Variants in BRCA2 observed in about 807,000 individuals in gnomAD.
BRCA2 encodes the protein breast cancer type 2 susceptibility protein.
In BRCA2, 203 loss-of-function variants were observed where a neutral mutation model predicts 276.7. The observed-to-expected ratio is 0.73, with a 90% CI of 0.65 to 0.82. The LOEUF is 0.82. Ranked by LOEUF, BRCA2 falls within the 40% of genes least tolerant of loss-of-function variation. The pLI, the probability that BRCA2 is intolerant of heterozygous loss-of-function variation, is 0.00. For synonymous variants in BRCA2, 1,289 were observed against 1,338.4 expected (o/e 0.96, Z 0.81); for missense variants, 3,920 against 3,915.0 (o/e 1.00, Z -0.03).
intron 13 of BRCA2, among the ~76,000 whole-genome samples, chr13:32,347,971 C>T (rs1172045004): frequency 6.6e-6 from 1 of 152,042 alleles, no homozygotes; most frequent in African/African-American, 2.4e-5. Context: ...AGTACAAAAT[C>T]CATAGCAGAA....
chr13:32,326,034 A>T (rs1225868868), intron 4 of BRCA2, 67 bp from the exon 5 acceptor site: 1 of 1,364,466 alleles, frequency 7.3e-7, no homozygotes, highest in East Asian at 2.3e-5. Flanking sequence ...TTCTTTTAAA[A>T]ATAAGATAAA....
Position 32,337,975 on chromosome 13 carries a change from A to G in BRCA2, c.3620A>G (p.Tyr1207Cys), listed in dbSNP as rs397507310. The change falls in exon 11 of 27, where the codon TAT becomes TGT. Residue 1207 changes from tyrosine to cysteine, a missense_variant. By Grantham distance (194) the Tyr-to-Cys change is radical. This residue lies in a region of BRCA2 where 3,263 missense variants were observed against 3,156.9 expected (regional missense o/e 1.03). Transcript: ENST00000380152. ...GACTGTAACAAAAGTGCTTCTGGTT[A>G]TTTAACAGATGAAAATGAAGTGGGG... The part of the protein sequence containing the change: ...KNDCNKSASG[Y>C]LTDENEVGFR... The G allele has an allele frequency of 1.1e-5, 18 of 1,613,724 alleles. No homozygotes were observed. The highest frequency in any genetic ancestry group is 1.5e-5 in the Non-Finnish European group (18 of 1,179,710).
At chr13:32,379,120 T>C (rs2072893740) in intron 21 of BRCA2, among the ~76,000 whole-genome samples, 197 bp from the exon 22 acceptor site, 1 of 152,222 alleles carries the variant, frequency 6.6e-6, no homozygotes, top group African/African-American at 2.4e-5. Context: ...TGGAGGATCA[T>C]TTTTGCCGTA....
intron 20 of BRCA2, among the ~76,000 whole-genome samples, chr13:32,371,347 A>G (rs917500223): frequency 3.9e-5 from 6 of 151,994 alleles, no homozygotes; most frequent in African/African-American, 1.5e-4. Context: ...TGGCTTTTGC[A>G]TTTTTGTCAT....
intron 1 of BRCA2, among the ~76,000 whole-genome samples, chr13:32,316,221 G>A (rs2072257473): frequency 6.6e-6 from 1 of 152,116 alleles, no homozygotes; most frequent in African/African-American, 2.4e-5. Flanking sequence ...GCCACGTTTC[G>A]AGTGCTTAAT....
At chr13:32,390,502 CATG>C (rs1214985553) in intron 24 of BRCA2, among the ~76,000 whole-genome samples, 3 of 152,262 alleles carry the variant, frequency 2.0e-5, no homozygotes, top group Admixed American at 1.3e-4. Flanking sequence ...ATTCCTGATG[CATG>C]ATAACATTTA....
At chr13:32,343,810 C>T (rs145822702) in intron 11 of BRCA2, among the ~76,000 whole-genome samples, 9 of 152,146 alleles carry the variant, frequency 5.9e-5, no homozygotes, top group African/African-American at 2.2e-4. Context: ...TAGTCAGCTT[C>T]TGGTTACTGG....
At chr13:32,369,578 T>G (rs980393636) in intron 18 of BRCA2, among the ~76,000 whole-genome samples, 2 of 152,106 alleles carry the variant, frequency 1.3e-5, no homozygotes, top group Non-Finnish European at 2.9e-5. Flanking sequence ...GATAATTTGT[T>G]TGTTTGTTTT....
chr13:32,391,474 G>T (rs2072996422), intron 24 of BRCA2, among the ~76,000 whole-genome samples: 1 of 152,348 alleles, frequency 6.6e-6, no homozygotes, highest in Non-Finnish European at 1.5e-5. Context: ...CAGAGGGCAA[G>T]TCCAGGAGGG....
At chr13:32,335,262 T>A (rs1261554271) in intron 10 of BRCA2, among the ~76,000 whole-genome samples, 1 of 151,594 alleles carries the variant, frequency 6.6e-6, no homozygotes, top group Non-Finnish European at 1.5e-5. Flanking sequence ...GGAGAATCAC[T>A]TGAACCTGGG....
intron 26 of BRCA2, 105 bp from the exon 27 acceptor site, chr13:32,398,057 G>A (rs2137661916): frequency 8.2e-7 from 1 of 1,222,456 alleles, no homozygotes; most frequent in South Asian, 1.4e-5. Context: ...GGGAGACTGT[G>A]TGTAATATTT....
chr13:32,375,371 C>G lies in BRCA2; in HGVS notation c.8633-1299C>G, dbSNP rs530382932. ...CTTCCTCCACTGAAGTCTTGAACCCCCCAAAGTCATCCATGAGGGTTGGAA... is the reference window on the plus strand; with the variant it reads ...CTTCCTCCACTGAAGTCTTGAACCCGCCAAAGTCATCCATGAGGGTTGGAA... On this transcript the variant is annotated intron_variant, in intron 20 of 26. Coordinates refer to ENST00000380152, the MANE Select transcript of BRCA2 (RefSeq NM_000059.4). The G allele has an allele frequency of 8.8e-6, 4 of 452,654 alleles. No homozygotes were observed. In the Admixed American group the frequency reaches 9.5e-5, roughly 11 times the overall value. 28.0% of individuals were successfully genotyped at this position (452,654 alleles called of 1,614,324 possible).
In BRCA2 at chr13:32,346,801, T is replaced by C. The variant is rs774079948; in HGVS notation, c.6938-26T>C. The C allele has an allele frequency of 2.4e-5, 37 of 1,555,226 alleles. No individual in the cohort carries two copies. Among genetic ancestry groups the C allele is most frequent in the Admixed American group, 5.1e-5 (3 of 58,932 alleles). On this transcript the variant is annotated intron_variant, in intron 12 of 26. Coordinates refer to ENST00000380152, the MANE Select transcript of BRCA2 (RefSeq NM_000059.4). ...ATATTCTCTTAGATTTTAACTAATA[T>C]GTAATATAAAATAATTGTTTCCTAG...
chr13:32,316,013 A>G (rs2072254604), intron 1 of BRCA2, among the ~76,000 whole-genome samples: 1 of 152,182 alleles, frequency 6.6e-6, no homozygotes, highest in African/African-American at 2.4e-5. Context: ...GTTTTGGGGA[A>G]GTGTTTTACA....
At position 32,329,455 on chromosome 13, in the gene BRCA2, A is replaced by G. The variant is rs1198988757; in HGVS notation, c.644A>G (p.Glu215Gly). Residue 215 changes from glutamate to glycine, a missense_variant, in exon 8 of 27, where the codon GAA (glutamate) becomes GGA (glycine). Transcript: ENST00000380152. Reference sequence around the variant, plus strand: ...TTTTATCTTACAGTCAGAAATGAAGAAGCATCTGAAACTGTATTTCCTCAT... The same window carrying G: ...TTTTATCTTACAGTCAGAAATGAAGGAGCATCTGAAACTGTATTTCCTCAT... ...SSTVLIVRNE[E>G]ASETVFPHDT... The G allele has an allele frequency of 6.3e-7, 1 of 1,597,470 alleles. No homozygotes were observed. The highest frequency in any genetic ancestry group is 8.6e-7 in the Non-Finnish European group (1 of 1,166,784).
intron 13 of BRCA2, among the ~76,000 whole-genome samples, chr13:32,354,051 T>C (rs2072670170): frequency 6.6e-6 from 1 of 152,192 alleles, no homozygotes. Flanking sequence ...TTTGGAGACT[T>C]TTTTTGAGGA....
intron 13 of BRCA2, among the ~76,000 whole-genome samples, chr13:32,349,915 G>A (rs2072636702): frequency 6.6e-6 from 1 of 151,922 alleles, no homozygotes; most frequent in South Asian, 2.1e-4. Flanking sequence ...TCTCCAGAGA[G>A]GATACAGTAG....
At chr13:32,347,499 C>T in intron 13 of BRCA2, among the ~76,000 whole-genome samples, 1 of 152,168 alleles carries the variant, frequency 6.6e-6, no homozygotes, top group East Asian at 1.9e-4. Flanking sequence ...TCCTCCCCCA[C>T]TGCAAATAGG....
chr13:32,324,486 TTAAG>T, intron 3 of BRCA2, among the ~76,000 whole-genome samples: 1 of 152,226 alleles, frequency 6.6e-6, no homozygotes, highest in East Asian at 1.9e-4. Context: ...AATGAAGAAA[TTAAG>T]TAAATTGTGA....
Sources: allele counts gnomAD v4.1 joint callset (sites outside exome capture counted in the v4.1 genomes callset), GRCh38; gene constraint gnomAD v4.1.1; regional missense constraint gnomAD v4.1.1; transcripts MANE v1.5; gene names NCBI Gene and HGNC (gene_info 2026-07-23, HGNC 2026-07-21).